Variants in CAPZB observed in about 807,000 individuals in gnomAD.
CAPZB encodes the protein capping actin protein of muscle Z-line subunit beta, also known as F-actin-capping protein subunit beta.
A neutral mutation model predicts 38.1 loss-of-function variants in CAPZB; 2 were observed. The ratio of observed to expected loss-of-function variants is 0.05; its 90% confidence interval spans 0.02 to 0.17. CAPZB has a LOEUF of 0.17. Ranked by LOEUF, CAPZB falls within the 10% of genes least tolerant of loss-of-function variation. The pLI, the probability that CAPZB is intolerant of heterozygous loss-of-function variation, is 1.00. For missense variants in CAPZB, 161 were observed against 334.2 expected (o/e 0.48, Z 4.04); for synonymous variants, 107 against 127.4 (o/e 0.84, Z 1.08).
chr1:19,443,429 C>A (rs1423986494), intron 1 of CAPZB, among the ~76,000 whole-genome samples: 1 of 151,824 alleles, frequency 6.6e-6, no homozygotes. Context: ...AAATCCATTC[C>A]TTTTTTTAAA....
intron 2 of CAPZB, among the ~76,000 whole-genome samples, chr1:19,403,834 C>T (rs940304282): frequency 2.6e-5 from 4 of 152,188 alleles, no homozygotes; most frequent in African/African-American, 9.6e-5. Flanking sequence ...GCAGGTGGAA[C>T]TACATCTCCA....
intron 2 of CAPZB, among the ~76,000 whole-genome samples, chr1:19,393,461 C>A (rs1259829679): frequency 6.6e-6 from 1 of 152,198 alleles, no homozygotes; most frequent in Non-Finnish European, 1.5e-5. Context: ...ATTGAGGGCA[C>A]CCCCCAACCT....
intron 2 of CAPZB, among the ~76,000 whole-genome samples, chr1:19,406,377 T>C (rs2094332325): frequency 6.6e-6 from 1 of 152,154 alleles, no homozygotes; most frequent in South Asian, 2.1e-4. Context: ...TGCTTCCGTC[T>C]CCATCAGCAG....
At chr1:19,457,119 A>G (rs1268256896) in intron 1 of CAPZB, among the ~76,000 whole-genome samples, 2 of 152,218 alleles carry the variant, frequency 1.3e-5, no homozygotes, top group Non-Finnish European at 2.9e-5. Flanking sequence ...GCACAGCGGG[A>G]AAAGCGAGCA....
intron 3 of CAPZB, among the ~76,000 whole-genome samples, chr1:19,383,132 A>G (rs80042597): frequency 2.1e-5 from 3 of 141,530 alleles, no homozygotes; most frequent in East Asian, 2.1e-4. Flanking sequence ...AAAAAAAAAA[A>G]GGAGAGAGAA....
At chr1:19,434,418 T>TA (rs202085180) in intron 1 of CAPZB, among the ~76,000 whole-genome samples, 2,509 of 146,478 alleles carry the variant, frequency 0.017, 48 homozygotes, top group African/African-American at 0.048. Flanking sequence ...TTCAATTAAA[T>TA]AAAAAAAAAA....
intron 1 of CAPZB, chr1:19,449,254 C>T: frequency 9.2e-7 from 1 of 1,083,024 alleles, no homozygotes; most frequent in South Asian, 3.6e-5. Context: ...GGGGTCTTGA[C>T]ACTTGAAAAT....
At chr1:19,400,493 G>C (rs1441326259) in intron 2 of CAPZB, among the ~76,000 whole-genome samples, 1 of 152,174 alleles carries the variant, frequency 6.6e-6, no homozygotes, top group Non-Finnish European at 1.5e-5. Flanking sequence ...CCTCATCCAG[G>C]GCCAGTGCCT....
rs554335560 is a variant in CAPZB, at chr1:19,460,746, C to T, written c.3+24690G>A. On this transcript the variant is annotated intron_variant, in intron 1 of 8. Transcript: ENST00000264202. ...CTAACCGCAGTTTCAGGCATCCACT[C>T]GGGGTCTTGGCACACATTCCCCACG... Among the ~76,000 whole-genome samples the T allele has an allele frequency of 4.6e-5, 7 of 152,094 alleles. No individual in the cohort carries two copies. The South Asian group carries it at 8.3e-4, about 18-fold the overall frequency.
At chr1:19,378,117 G>A (rs561703226) in intron 4 of CAPZB, among the ~76,000 whole-genome samples, 1 of 152,296 alleles carries the variant, frequency 6.6e-6, no homozygotes, top group Admixed American at 6.5e-5. Flanking sequence ...TTTAATCTGT[G>A]TCTTAATTTC....
At chr1:19,350,589 C>T (rs943832657) in intron 6 of CAPZB, among the ~76,000 whole-genome samples, 41 of 149,158 alleles carry the variant, frequency 2.7e-4, no homozygotes, top group Admixed American at 2.1e-3. Context: ...CCTCTCCTTG[C>T]AAGATATATG....
intron 6 of CAPZB, among the ~76,000 whole-genome samples, chr1:19,348,148 G>A (rs954614595): frequency 6.6e-6 from 1 of 152,206 alleles, no homozygotes; most frequent in Non-Finnish European, 1.5e-5. Flanking sequence ...ACCCCATCGC[G>A]TGATGAAGAC....
chr1:19,358,519 G>A (rs2094034066), intron 4 of CAPZB, among the ~76,000 whole-genome samples: 1 of 152,214 alleles, frequency 6.6e-6, no homozygotes, highest in African/African-American at 2.4e-5. Flanking sequence ...AAGGTTAGAT[G>A]AGAAATGGGA....
At position 19,485,529 on chromosome 1, in the gene CAPZB, G is replaced by A. The variant is rs2094648765; in HGVS notation, c.-91C>T. On this transcript the variant is annotated 5_prime_UTR_variant, in exon 1 of 9. Transcript: ENST00000264202. ...GCGCTTCCACTTCCCCGGGTGCCCA[G>A]GAGTGAACATCCGGGTCAGCACCCC... The A allele has an allele frequency of 7.4e-6, 8 of 1,083,846 alleles. No individual in the cohort carries two copies. Among genetic ancestry groups the A allele is most frequent in the Non-Finnish European group, 9.4e-6 (8 of 854,784 alleles). 67.1% of individuals were successfully genotyped at this position (1,083,846 alleles called of 1,614,324 possible).
chr1:19,375,263 G>A (rs1476783082), intron 4 of CAPZB, among the ~76,000 whole-genome samples: 2 of 152,220 alleles, frequency 1.3e-5, no homozygotes, highest in East Asian at 1.9e-4. Flanking sequence ...CTGGGAAAAC[G>A]TTCCTCGCAT....
intron 2 of CAPZB, among the ~76,000 whole-genome samples, chr1:19,407,966 C>G (rs987992038): frequency 5.3e-5 from 8 of 152,220 alleles, no homozygotes; most frequent in Non-Finnish European, 1.0e-4. Context: ...ACCTCCATGA[C>G]TCGCCTTTGG....
At chr1:19,444,014 C>T (rs180750058) in intron 1 of CAPZB, among the ~76,000 whole-genome samples, 126 of 152,214 alleles carry the variant, frequency 8.3e-4, no homozygotes, top group Middle Eastern at 6.8e-3. Context: ...AAAAATTAGC[C>T]GGGCGTGGCG....
At chr1:19,350,987 C>CTT (rs72134938) in intron 6 of CAPZB, among the ~76,000 whole-genome samples, 65 of 140,904 alleles carry the variant, frequency 4.6e-4, no homozygotes, top group Admixed American at 1.3e-3. Context: ...ATGATCTTTC[C>CTT]TTTTTTTTTT....
At chr1:19,363,309 C>G (rs1002352816) in intron 4 of CAPZB, among the ~76,000 whole-genome samples, 1 of 144,788 alleles carries the variant, frequency 6.9e-6, no homozygotes, top group African/African-American at 2.5e-5. Flanking sequence ...GTTGCCCAGG[C>G]TGGTCTCAAG....
Sources: gnomAD v4.1 joint callset for allele counts (sites outside exome capture counted in the v4.1 genomes callset) on GRCh38, gnomAD v4.1.1 for gene constraint, MANE v1.5 for transcripts, NCBI Gene and HGNC (gene_info 2026-07-23, HGNC 2026-07-21) for gene names.